Variants in IGSF21 observed in about 807,000 individuals in gnomAD.
The protein encoded by IGSF21 is immunoglobin superfamily member 21.
IGSF21 carries 28 observed loss-of-function variants against 46.8 expected under a neutral mutation model. The observed-to-expected ratio is 0.60, with a 90% CI of 0.44 to 0.82. IGSF21 has a LOEUF of 0.82. IGSF21 is among the 40% of genes least tolerant of loss of function. The pLI is 0.00. For missense variants in IGSF21, 624 were observed against 665.5 expected (o/e 0.94, Z 0.69); for synonymous variants, 284 against 273.6 (o/e 1.04, Z -0.38).
At chr1:18,234,122 C>T (rs114313402) in intron 2 of IGSF21, among the ~76,000 whole-genome samples, 1,716 of 152,260 alleles carry the variant, frequency 0.011, 23 homozygotes, top group African/African-American at 0.038. Flanking sequence ...GCTTGGCAGC[C>T]ACTCATCCTG....
At chr1:18,119,647 C>T (rs566928787) in intron 1 of IGSF21, among the ~76,000 whole-genome samples, 1 of 152,288 alleles carries the variant, frequency 6.6e-6, no homozygotes, top group South Asian at 2.1e-4. Context: ...AGGCTGATGC[C>T]CTCAAGCTTT....
At chr1:18,169,156 G>A (rs184960137) in intron 1 of IGSF21, among the ~76,000 whole-genome samples, 1 of 152,344 alleles carries the variant, frequency 6.6e-6, no homozygotes, top group East Asian at 1.9e-4. Context: ...TCAGAGAAAG[G>A]CTCAGAATTC....
At chr1:18,329,932 T>G (rs2085696140) in intron 3 of IGSF21, among the ~76,000 whole-genome samples, 1 of 152,168 alleles carries the variant, frequency 6.6e-6, no homozygotes, top group Non-Finnish European at 1.5e-5. Flanking sequence ...GTGCCTGGCT[T>G]TTCAAAAACA....
rs956913872 is a variant in IGSF21 at position 18,334,541 on chromosome 1, C to T, written c.306-351C>T. On this transcript the variant is annotated intron_variant, in intron 3 of 9. Transcript: ENST00000251296. The surrounding 1 kb of genome is among the most constrained non-coding windows in gnomAD (Gnocchi z 4.3). ...AGTTTTGGTCCCATACTGCATGCAG[C>T]GACATACTAAATGCCCATACCTCTT... 6.6e-5 allele frequency among the ~76,000 whole-genome samples: 10 copies of T among 152,278 alleles called. No individual in the cohort carries two copies. The highest frequency in any genetic ancestry group is 2.1e-4 in the South Asian group (1 of 4,826).
At chr1:18,271,791 G>A (rs1364673907) in intron 2 of IGSF21, among the ~76,000 whole-genome samples, 2 of 152,214 alleles carry the variant, frequency 1.3e-5, no homozygotes, top group African/African-American at 4.8e-5. Context: ...CCTCAGGGCT[G>A]TGGAAGGTGT....
At chr1:18,236,889 G>A (rs1326646385) in intron 2 of IGSF21, among the ~76,000 whole-genome samples, 1 of 152,214 alleles carries the variant, frequency 6.6e-6, no homozygotes, top group Non-Finnish European at 1.5e-5. Context: ...CTGGGCAAGG[G>A]CAGATTCCTT....
At chr1:18,289,902 C>A (rs184045851) in intron 2 of IGSF21, among the ~76,000 whole-genome samples, 1 of 152,082 alleles carries the variant, frequency 6.6e-6, no homozygotes, top group South Asian at 2.1e-4. Flanking sequence ...ATGGGTGAGG[C>A]GGGGATGGGA....
intron 1 of IGSF21, among the ~76,000 whole-genome samples, chr1:18,200,489 C>T (rs952111063): frequency 4.6e-5 from 7 of 152,170 alleles, no homozygotes; most frequent in African/African-American, 1.7e-4. Context: ...CTGGTGGCTG[C>T]TGCAATTCTT....
chr1:18,332,051 G>A (rs573757189), intron 3 of IGSF21, among the ~76,000 whole-genome samples: 8 of 152,260 alleles, frequency 5.3e-5, no homozygotes, highest in East Asian at 1.9e-4. Flanking sequence ...CAGCAATCCC[G>A]GTGTACCCCG....
chr1:18,150,203 T>C (rs1008497458), intron 1 of IGSF21, among the ~76,000 whole-genome samples: 3 of 152,154 alleles, frequency 2.0e-5, no homozygotes, highest in African/African-American at 7.2e-5. Flanking sequence ...CAGTGAGCTA[T>C]GATCATGCCA....
chr1:18,128,515 C>T (rs2086292150), intron 1 of IGSF21, among the ~76,000 whole-genome samples: 3 of 152,214 alleles, frequency 2.0e-5, no homozygotes, highest in African/African-American at 7.2e-5. Flanking sequence ...TGGTAATTCC[C>T]TCCCACCAGT....
intron 1 of IGSF21, among the ~76,000 whole-genome samples, chr1:18,124,947 A>T (rs115418053): frequency 0.019 from 2,828 of 152,240 alleles, 36 homozygotes; most frequent in Middle Eastern, 0.034. Flanking sequence ...ATCCATGGTG[A>T]TGGGGCCAGG....
At chr1:18,124,670 CG>C in intron 1 of IGSF21, among the ~76,000 whole-genome samples, 1 of 152,180 alleles carries the variant, frequency 6.6e-6, no homozygotes, top group East Asian at 1.9e-4. Flanking sequence ...TTCCCTGCCT[CG>C]GCAGTCACTG....
chr1:18,264,316 C>G (rs2084971968), intron 2 of IGSF21, among the ~76,000 whole-genome samples: 1 of 152,144 alleles, frequency 6.6e-6, no homozygotes. Context: ...GCCCCCAACC[C>G]TTAAATTAAA....
chr1:18,326,828 G>A (rs894687358), intron 3 of IGSF21, among the ~76,000 whole-genome samples: 3 of 152,156 alleles, frequency 2.0e-5, no homozygotes, highest in Non-Finnish European at 2.9e-5. Context: ...CTGCAGGAAG[G>A]GTTTATGTTG....
rs200525577 is a variant in IGSF21, at chr1:18,359,462, GGGAAGGAAGGAAGGAAGGAA to G, written c.425-2620_425-2601del. Reference sequence around the variant, plus strand: ...AGGAAAAGAGAAAGAAAGAAAGAAAGGGAAGGAAGGAAGGAAGGAAGGAAGGAAGGAAGGAAGGAAGGAAG... The same window carrying G: ...AGGAAAAGAGAAAGAAAGAAAGAAAGGGAAGGAAGGAAGGAAGGAAGGAAG... On this transcript the variant is annotated intron_variant, in intron 4 of 9. Transcript: ENST00000251296. Among the ~76,000 whole-genome samples the G allele has an allele frequency of 6.7e-3, 502 of 74,858 alleles. 2 individuals are homozygous for G. Among genetic ancestry groups the G allele is most frequent in the Middle Eastern group, 0.025 (4 of 162 alleles). 49.1% of individuals were successfully genotyped at this position (74,858 alleles called of 152,430 possible).
chr1:18,170,578 T>C (rs1012707982), intron 1 of IGSF21, among the ~76,000 whole-genome samples: 4 of 151,752 alleles, frequency 2.6e-5, no homozygotes, highest in South Asian at 4.2e-4. Flanking sequence ...AAGAATCCTA[T>C]GGGAATAGGT....
intron 1 of IGSF21, among the ~76,000 whole-genome samples, chr1:18,138,728 T>C (rs775278248): frequency 5.1e-4 from 77 of 152,190 alleles, no homozygotes; most frequent in Non-Finnish European, 7.6e-4. Context: ...AGACTTCTTT[T>C]AGGTAAAGAA....
rs188882089 is a variant in IGSF21, at chr1:18,335,034, T to C, written c.424+24T>C. 10 of 1,563,882 alleles carry C rather than the reference T, an allele frequency of 6.4e-6. No individual in the cohort carries two copies. In the African/African-American group the frequency reaches 9.5e-5, roughly 15 times the overall value. ...GGGTGAGTGCAGGGCCACTGGCCCC[T>C]GGTGTCTCAGTGAGGAGGACGAGTA... On this transcript the variant is annotated intron_variant, in intron 4 of 9. Transcript: ENST00000251296. This position sits in a 1 kb window ranked among gnomAD's most constrained non-coding sequence, Gnocchi z 4.8.
Sources: gnomAD v4.1 joint callset for allele counts (sites outside exome capture counted in the v4.1 genomes callset) on GRCh38, gnomAD v4.1.1 for gene constraint, Gnocchi (gnomAD v3.1) non-coding constraint, MANE v1.5 for transcripts, NCBI Gene and HGNC (gene_info 2026-07-23, HGNC 2026-07-21) for gene names.